The following TRIM50 variants were observed in gnomAD, a reference collection of about 807,000 sequenced individuals.
TRIM50 encodes tripartite motif containing 50.
A neutral mutation model predicts 44.9 loss-of-function variants in TRIM50; 34 were observed. The observed-to-expected ratio is 0.76, with a 90% CI of 0.58 to 1.01. The LOEUF is 1.01. Ranked by LOEUF, TRIM50 falls within the 50% of genes least tolerant of loss-of-function variation. The pLI is 0.00. For missense variants in TRIM50, 633 were observed against 663.7 expected (o/e 0.95, Z 0.51); for synonymous variants, 307 against 291.1 (o/e 1.05, Z -0.56).
At chr7:73,318,543 T>C in intron 5 of TRIM50, 144 bp downstream of exon 5, 1 of 1,551,560 alleles carries the variant, frequency 6.4e-7, no homozygotes, top group African/African-American at 1.4e-5. Context: ...GACTTTCCTC[T>C]GTTTTTCCCA....
chr7:73,313,199 C>G lies in TRIM50; in HGVS notation c.1186G>C (p.Glu396Gln). 1 of 1,590,306 alleles carries G rather than the reference C, an allele frequency of 6.3e-7. No homozygotes were observed. The highest frequency in any genetic ancestry group is 8.6e-7 in the Non-Finnish European group (1 of 1,168,830). The part of the protein sequence containing the change: ...LIGLKEGRVY[E>Q]AFACPRVPLP... ...GGTACCCGGGGGCAGGCAAAGGCTT[C>G]GTACACCCGGCCCTCCTTCAGGCCG... is the stretch of plus-strand genomic sequence containing the variant. Residue 396 changes from glutamate (E) to glutamine (Q), a missense_variant, in exon 7 of 7, where the codon GAA becomes CAA. Coordinates refer to ENST00000333149, the MANE Select transcript of TRIM50 (RefSeq NM_178125.3). This position sits in a 1 kb window ranked among gnomAD's most constrained non-coding sequence, Gnocchi z 4.9.
intron 1 of TRIM50, among the ~76,000 whole-genome samples, chr7:73,326,209 T>C (rs561814637): frequency 6.6e-6 from 1 of 152,228 alleles, no homozygotes; most frequent in Admixed American, 6.5e-5. Context: ...TCTCTCTCTT[T>C]TTTTCTAATA....
chr7:73,322,937 G>A (rs1554545282), intron 2 of TRIM50, among the ~76,000 whole-genome samples: 1 of 152,136 alleles, frequency 6.6e-6, no homozygotes, highest in Non-Finnish European at 1.5e-5. Context: ...TGCCCACGCC[G>A]GATCCTCCCC....
At position 73,313,332 on chromosome 7, in the gene TRIM50, C is replaced by T; in HGVS notation, c.1053G>A (p.Trp351Ter). The change falls in exon 7 of 7, where the codon TGG (tryptophan) becomes TGA (stop). Residue 351 changes from tryptophan to a stop codon, truncating the protein, a stop_gained. Coordinates refer to ENST00000333149, the MANE Select transcript of TRIM50 (RefSeq NM_178125.3). LOFTEE classifies it high-confidence loss of function. This position sits in a 1 kb window ranked among gnomAD's most constrained non-coding sequence, Gnocchi z 4.9. Reference protein sequence around the residue: ...SRGFSCGRHYWEVVVGSKSDW... With the variant: ...SRGFSCGRHY ...CGCTCTTGCTGCCCACCACCACCTC[C>T]CAGTAGTGGCGGCCGCAGGAGAAGC... 1 of 1,606,196 alleles carries T rather than the reference C, an allele frequency of 6.2e-7. No homozygotes were observed. Among genetic ancestry groups the T allele is most frequent in the Non-Finnish European group, 8.5e-7 (1 of 1,177,194 alleles).
Sources: gnomAD v4.1 joint callset for allele counts (sites outside exome capture counted in the v4.1 genomes callset) on GRCh38, gnomAD v4.1.1 for gene constraint, Gnocchi (gnomAD v3.1) non-coding constraint, MANE v1.5 for transcripts, NCBI Gene and HGNC (gene_info 2026-07-23, HGNC 2026-07-21) for gene names.